Variants in RHOH observed in about 807,000 individuals in gnomAD.
RHOH encodes the protein ras homolog family member H.
A neutral mutation model predicts 13.8 loss-of-function variants in RHOH; 6 were observed. That is an observed-to-expected ratio of 0.44 (90% CI 0.24 to 0.86). RHOH has a LOEUF of 0.86. Among genes scored for constraint, RHOH ranks in the 40% least tolerant of loss-of-function variants. The probability of loss-of-function intolerance (pLI) is 0.24; values close to 1 mark genes in which losing one functional copy is unlikely to be tolerated. For synonymous variants in RHOH, 117 were observed against 103.0 expected, an observed-to-expected ratio of 1.14 and a Z score of -0.82; for missense variants, 147 against 244.5, an observed-to-expected ratio of 0.60 and a Z score of 2.66.
upstream of RHOH, chr4:40,191,259 A>G (rs1722699176): frequency 6.6e-6 from 1 of 152,158 alleles, no homozygotes; most frequent in Admixed American, 6.6e-5. Flanking sequence ...AAACTTTGTC[A>G]ATGATTGCAA....
chr4:40,236,586 C>T (rs567624546), intron 1 of RHOH, among the ~76,000 whole-genome samples: 2 of 151,918 alleles, frequency 1.3e-5, no homozygotes, highest in South Asian at 4.2e-4. Flanking sequence ...GTCAGGAGAT[C>T]GAGACCATCC....
At chr4:40,210,525 T>G (rs548589497) in intron 1 of RHOH, among the ~76,000 whole-genome samples, 1 of 152,126 alleles carries the variant, frequency 6.6e-6, no homozygotes, top group African/African-American at 2.4e-5. Flanking sequence ...CTCCCAGATA[T>G]CAGCTTCCGT....
intron 1 of RHOH, among the ~76,000 whole-genome samples, chr4:40,200,763 C>T (rs900815373): frequency 3.3e-5 from 5 of 152,186 alleles, no homozygotes; most frequent in African/African-American, 7.2e-5. Flanking sequence ...TACGGTGCCG[C>T]TCATTTAAAA....
chr4:40,192,210 C>T (rs1320212), upstream of RHOH, among the ~76,000 whole-genome samples: 2,331 of 152,188 alleles, frequency 0.015, 71 homozygotes, highest in African/African-American at 0.052. Context: ...AATTGCAATA[C>T]GACTAATGGC....
chr4:40,220,613 A>G (rs1316701451), intron 1 of RHOH, among the ~76,000 whole-genome samples: 1 of 152,180 alleles, frequency 6.6e-6, no homozygotes, highest in Non-Finnish European at 1.5e-5. Context: ...TAAGTAAAAA[A>G]AAAAATTTTT....
intron 1 of RHOH, among the ~76,000 whole-genome samples, chr4:40,225,586 G>A (rs1294792094): frequency 6.6e-6 from 1 of 152,212 alleles, no homozygotes; most frequent in East Asian, 1.9e-4. Context: ...TTCTGTTCAA[G>A]TGCGCTCTGC....
chr4:40,198,642 T>C (rs939025904), intron 1 of RHOH, among the ~76,000 whole-genome samples: 5 of 152,226 alleles, frequency 3.3e-5, no homozygotes, highest in African/African-American at 1.2e-4. Flanking sequence ...ACATCATTTA[T>C]GCAGAGAAAG....
chr4:40,231,789 A>T (rs1030235490), intron 1 of RHOH, among the ~76,000 whole-genome samples: 1 of 152,114 alleles, frequency 6.6e-6, no homozygotes, highest in South Asian at 2.1e-4. Context: ...CCCACCTGCA[A>T]TCCAGCCTAA....
At chr4:40,197,482 C>T (rs1028218295) in intron 1 of RHOH, among the ~76,000 whole-genome samples, 182 bp downstream of exon 1, 3 of 152,060 alleles carry the variant, frequency 2.0e-5, no homozygotes, top group Non-Finnish European at 4.4e-5. Context: ...ATTCACTGCC[C>T]CTCACCACAG....
chr4:40,233,543 T>G (rs1260350484), intron 1 of RHOH, among the ~76,000 whole-genome samples: 2 of 152,208 alleles, frequency 1.3e-5, no homozygotes, highest in Admixed American at 1.3e-4. Flanking sequence ...CTTCTTACTC[T>G]GAACTACCTT....
chr4:40,243,419 C>A lies in RHOH; in HGVS notation c.33C>A (p.Gly11=). The A allele has an allele frequency of 6.2e-7, 1 of 1,604,122 alleles. No individual in the cohort carries two copies. Among genetic ancestry groups the A allele is most frequent in the Non-Finnish European group, 8.5e-7 (1 of 1,174,466 alleles). Residue 11 remains glycine, a synonymous_variant, in exon 3 of 3, where the codon GGC becomes GGA. Coordinates refer to ENST00000381799, the MANE Select transcript of RHOH (RefSeq NM_004310.5). This position sits in a 1 kb window ranked among gnomAD's most constrained non-coding sequence, Gnocchi z 6.2. MLSSIKCVLV[G]DSAVGKTSLL... is the part of the protein sequence containing the mutation. ...GTTCCATCAAGTGCGTGTTGGTGGG[C>A]GACTCTGCTGTGGGGAAAACCTCTC...
At chr4:40,223,182 G>A (rs991317310) in intron 1 of RHOH, among the ~76,000 whole-genome samples, 1 of 152,230 alleles carries the variant, frequency 6.6e-6, no homozygotes, top group Non-Finnish European at 1.5e-5. Context: ...GGCAACAAAA[G>A]ATTTAGAATA....
chr4:40,193,001 G>C (rs1722768434), upstream of RHOH: 1 of 152,404 alleles, frequency 6.6e-6, no homozygotes, highest in Non-Finnish European at 1.5e-5. Flanking sequence ...GTGAGGCTGT[G>C]AGATGGGAGA....
intron 1 of RHOH, among the ~76,000 whole-genome samples, chr4:40,226,059 T>A (rs949425261): frequency 1.3e-5 from 2 of 152,224 alleles, no homozygotes; most frequent in African/African-American, 2.4e-5. Flanking sequence ...AATGTGTTTA[T>A]TGTTATCCTT....
At chr4:40,229,425 C>T (rs1474893836) in intron 1 of RHOH, among the ~76,000 whole-genome samples, 2 of 151,892 alleles carry the variant, frequency 1.3e-5, no homozygotes, top group South Asian at 2.1e-4. Context: ...CACCTGAGGT[C>T]GGGAGTTTGA....
chr4:40,201,710 A>C (rs1002036912), intron 1 of RHOH, among the ~76,000 whole-genome samples: 2 of 151,908 alleles, frequency 1.3e-5, no homozygotes, highest in African/African-American at 4.8e-5. Context: ...CTAGCATGCT[A>C]CTGAGGAACT....
rs142736182 is a variant in RHOH at position 40,240,950 on chromosome 4, A to C, written c.-330-1764A>C. ...GGTGGGAGGACTGCTTGAGCTCAGGAGTTTGAGACCAGCCTGAACAATATA... is the reference window on the plus strand; with the variant it reads ...GGTGGGAGGACTGCTTGAGCTCAGGCGTTTGAGACCAGCCTGAACAATATA... On this transcript the variant is annotated intron_variant, in intron 1 of 2. Coordinates refer to ENST00000381799, the MANE Select transcript of RHOH (RefSeq NM_004310.5). Among the ~76,000 whole-genome samples the C allele has an allele frequency of 6.3e-3, 964 of 152,094 alleles. 16 individuals are homozygous for C. The highest frequency in any genetic ancestry group is 0.022 in the African/African-American group (905 of 41,492).
chr4:40,192,202 T>C (rs1375495451), upstream of RHOH, among the ~76,000 whole-genome samples: 2 of 152,202 alleles, frequency 1.3e-5, no homozygotes, highest in Non-Finnish European at 2.9e-5. Flanking sequence ...GTGAGAATAA[T>C]TGCAATACGA....
chr4:40,228,297 A>G (rs544615651), intron 1 of RHOH, among the ~76,000 whole-genome samples: 6 of 152,300 alleles, frequency 3.9e-5, no homozygotes, highest in African/African-American at 1.4e-4. Context: ...GTATGCTAAT[A>G]TTTTACAGCT....
Sources: gnomAD v4.1 joint callset for allele counts (sites outside exome capture counted in the v4.1 genomes callset) on GRCh38, gnomAD v4.1.1 for gene constraint, Gnocchi (gnomAD v3.1) non-coding constraint, MANE v1.5 for transcripts, NCBI Gene and HGNC (gene_info 2026-07-23, HGNC 2026-07-21) for gene names.